CLYBL: variants seen among roughly 807,000 people sequenced by gnomAD.
CLYBL encodes the protein citramalyl-CoA lyase, also known as citramalyl-CoA lyase, mitochondrial.
Under a neutral mutation model 38.9 loss-of-function variants are expected in CLYBL, and 31 were observed. The ratio of observed to expected loss-of-function variants is 0.80; its 90% CI spans 0.60 to 1.08. The LOEUF (loss-of-function observed/expected upper bound fraction) is 1.08, where lower values mean the gene tolerates loss of function less well. Ranked by LOEUF, CLYBL falls within the 50% of genes least tolerant of loss-of-function variation. The probability of loss-of-function intolerance (pLI) is 0.00; values close to 1 mark genes in which losing one functional copy is unlikely to be tolerated. For missense variants in CLYBL, 434 were observed against 411.6 expected (o/e 1.05, Z -0.47); for synonymous variants, 171 against 158.6 (o/e 1.08, Z -0.59).
In CLYBL at chr13:99,716,948, C is replaced by T. The variant is rs577573223; in HGVS notation, c.63-55876C>T. ...CTGGGATTACAGGCATGTGCCACCACGTCCAGCTAATTTTGTATTTTTAGT... is the reference window on the plus strand; with the variant it reads ...CTGGGATTACAGGCATGTGCCACCATGTCCAGCTAATTTTGTATTTTTAGT... On this transcript the variant is annotated intron_variant, in intron 1 of 8. Transcript: ENST00000339105. Among the ~76,000 whole-genome samples the T allele has an allele frequency of 2.0e-4, 30 of 151,176 alleles. 1 individual carries two copies. The highest frequency in any genetic ancestry group is 3.1e-4 in the African/African-American group (13 of 41,314).
intron 2 of CLYBL, among the ~76,000 whole-genome samples, chr13:99,847,711 G>A (rs1035298573): frequency 2.0e-5 from 3 of 152,168 alleles, no homozygotes; most frequent in Non-Finnish European, 4.4e-5. Context: ...GTAGCTTTGG[G>A]GCTCTGGACC....
intron 2 of CLYBL, among the ~76,000 whole-genome samples, chr13:99,811,268 G>A (rs1332110643): frequency 2.0e-5 from 3 of 152,184 alleles, no homozygotes; most frequent in Non-Finnish European, 4.4e-5. Flanking sequence ...ATCCAGGTAA[G>A]CAGGCTCTCC....
chr13:99,736,038 CT>C (rs767129851), intron 1 of CLYBL, among the ~76,000 whole-genome samples: 2,314 of 76,216 alleles, frequency 0.03, 9 homozygotes, highest in African/African-American at 0.059. Flanking sequence ...CGTTTCTTTT[CT>C]TTTTTTTTTT....
At chr13:99,770,233 G>T (rs1470859335) in intron 1 of CLYBL, among the ~76,000 whole-genome samples, 1 of 151,794 alleles carries the variant, frequency 6.6e-6, no homozygotes, top group Non-Finnish European at 1.5e-5. Context: ...AATTACAGGC[G>T]CCCGCGACTG....
chr13:99,734,412 AAAAC>A (rs1246382975), intron 1 of CLYBL, among the ~76,000 whole-genome samples: 1 of 152,166 alleles, frequency 6.6e-6, no homozygotes, highest in Non-Finnish European at 1.5e-5. Flanking sequence ...TTAAAAAAAA[AAAAC>A]AAAACGGAGG....
At chr13:99,628,036 A>G (rs1368007318) in intron 1 of CLYBL, among the ~76,000 whole-genome samples, 1 of 152,220 alleles carries the variant, frequency 6.6e-6, no homozygotes, top group African/African-American at 2.4e-5. Flanking sequence ...AGAGGTACTA[A>G]AACGTGAAGT....
At chr13:99,740,548 A>G (rs28421311) in intron 1 of CLYBL, among the ~76,000 whole-genome samples, 3,171 of 152,128 alleles carry the variant, frequency 0.021, 94 homozygotes, top group African/African-American at 0.073. Flanking sequence ...TGTATTTTCT[A>G]TGTGCCGGTC....
At chr13:99,657,948 C>T (rs1229195940) in intron 1 of CLYBL, among the ~76,000 whole-genome samples, 5 of 152,228 alleles carry the variant, frequency 3.3e-5, no homozygotes, top group South Asian at 2.1e-4. Flanking sequence ...CTCCATGTTT[C>T]CTCGCAGTCC....
At position 99,864,877 on chromosome 13, in the gene CLYBL, C is replaced by T. The variant is rs141341905; in HGVS notation, c.600C>T (p.Val200=). ...GPQVGLFLDA[V]VFGGEDFRAS... is the part of the protein sequence containing the mutation. ...AAGTAGGTCTCTTTCTAGATGCAGT[C>T]GTTTTTGGAGGAGAAGACTTTCGAG... Residue 200 remains valine, a synonymous_variant, in exon 5 of 9, where the codon GTC becomes GTT. Transcript: ENST00000339105. 3 of 1,613,692 alleles carry T rather than the reference C, an allele frequency of 1.9e-6. No homozygotes were observed. The highest frequency in any genetic ancestry group is 1.3e-5 in the African/African-American group (1 of 74,858).
At chr13:99,890,091 C>G (rs2052450030) in intron 7 of CLYBL, among the ~76,000 whole-genome samples, 1 of 152,190 alleles carries the variant, frequency 6.6e-6, no homozygotes, top group Admixed American at 6.5e-5. Flanking sequence ...ACTTTGGGTT[C>G]TGAGCATGCT....
chr13:99,697,542 A>AT (rs1281267660), intron 1 of CLYBL, among the ~76,000 whole-genome samples: 1 of 148,672 alleles, frequency 6.7e-6, no homozygotes, highest in African/African-American at 2.5e-5. Flanking sequence ...TAATTTTTGT[A>AT]TTTTTTTGGT....
chr13:99,752,097 G>A (rs2048968200), intron 1 of CLYBL, among the ~76,000 whole-genome samples: 2 of 152,110 alleles, frequency 1.3e-5, no homozygotes, highest in African/African-American at 4.8e-5. Context: ...AGAGGGCCAC[G>A]GATGGGAGAG....
chr13:99,669,076 A>C (rs2047526340), intron 1 of CLYBL, among the ~76,000 whole-genome samples: 1 of 150,080 alleles, frequency 6.7e-6, no homozygotes, highest in Non-Finnish European at 1.5e-5. Flanking sequence ...ATCTCGGCTC[A>C]CTGCAACCTC....
At chr13:99,862,248 T>TTAGATCTAGATAGA (rs2051621312) in intron 3 of CLYBL, among the ~76,000 whole-genome samples, 1 of 152,224 alleles carries the variant, frequency 6.6e-6, no homozygotes, top group African/African-American at 2.4e-5. Flanking sequence ...CCACATCTTA[T>TTAGATCTAGATAGA]TAGATCTAGA....
chr13:99,863,752 G>A (rs1303381644), intron 4 of CLYBL, among the ~76,000 whole-genome samples: 1 of 152,108 alleles, frequency 6.6e-6, no homozygotes, highest in Non-Finnish European at 1.5e-5. Context: ...TCCAAAATAT[G>A]CCTCTCATTC....
intron 1 of CLYBL, among the ~76,000 whole-genome samples, chr13:99,623,697 C>G (rs1252316314): frequency 3.9e-5 from 6 of 152,120 alleles, no homozygotes; most frequent in Non-Finnish European, 8.8e-5. Flanking sequence ...CACTGTGGCT[C>G]ACGCCTGTAA....
chr13:99,841,567 T>A (rs1051324190), intron 2 of CLYBL, among the ~76,000 whole-genome samples: 2 of 151,340 alleles, frequency 1.3e-5, no homozygotes, highest in Non-Finnish European at 2.9e-5. Context: ...GCCTGGCTAA[T>A]TTTTATATTT....
chr13:99,862,940 G>A (rs369900280), intron 3 of CLYBL, 51 bp from the exon 4 acceptor site: 68 of 1,052,174 alleles, frequency 6.5e-5, no homozygotes, highest in Non-Finnish European at 8.7e-5. Flanking sequence ...CTACATTTCC[G>A]TGATTGTACA....
chr13:99,738,207 G>A (rs758733282), intron 1 of CLYBL, among the ~76,000 whole-genome samples: 151 of 152,198 alleles, frequency 9.9e-4, no homozygotes, highest in Non-Finnish European at 1.9e-3. Context: ...TAGGGATGGA[G>A]TAAATTAAAG....
Sources: gnomAD v4.1 joint callset for allele counts (sites outside exome capture counted in the v4.1 genomes callset) on GRCh38, gnomAD v4.1.1 for gene constraint, MANE v1.5 for transcripts, NCBI Gene and HGNC (gene_info 2026-07-23, HGNC 2026-07-21) for gene names.